The following CSGALNACT1 variants were observed in gnomAD, a reference collection of about 807,000 sequenced individuals.
The protein encoded by CSGALNACT1 is beta4GalNAcT-1.
Under a neutral mutation model 51.0 loss-of-function variants are expected in CSGALNACT1, and 52 were observed. The observed-to-expected ratio is 1.02, with a 90% CI of 0.82 to 1.29. CSGALNACT1 has a LOEUF of 1.29. Among genes scored for constraint, CSGALNACT1 ranks in the 50% most tolerant of loss-of-function variants. CSGALNACT1 has a pLI of 0.00. For synonymous variants in CSGALNACT1, 341 were observed against 254.4 expected (o/e 1.34, Z -3.24); for missense variants, 935 against 679.2 (o/e 1.38, Z -4.19).
chr8:19,681,296 G>T (rs764522817), intron 1 of CSGALNACT1, among the ~76,000 whole-genome samples: 85 of 152,154 alleles, frequency 5.6e-4, no homozygotes, highest in Non-Finnish European at 1.1e-3. Flanking sequence ...GCAGGAATTG[G>T]ATATGTGTAA....
intron 6 of CSGALNACT1, among the ~76,000 whole-genome samples, chr8:19,435,197 A>T (rs188917817): frequency 1.8e-4 from 27 of 152,292 alleles, no homozygotes; most frequent in African/African-American, 5.8e-4. Flanking sequence ...TATCAGTTAC[A>T]TTAAAATAAC....
intron 1 of CSGALNACT1, among the ~76,000 whole-genome samples, chr8:19,694,314 T>C (rs1358701300): frequency 6.6e-6 from 1 of 152,216 alleles, no homozygotes; most frequent in Non-Finnish European, 1.5e-5. Flanking sequence ...AAGTACAGTA[T>C]AATGACAGTC....
rs575321825 is a variant in CSGALNACT1, at chr8:19,668,810, C to T, written c.-544+13663G>A. 1.1e-4 allele frequency among the ~76,000 whole-genome samples: 16 copies of T among 152,284 alleles called. No individual in the cohort carries two copies. The East Asian group carries it at 2.9e-3, about 28-fold the overall frequency. Reference sequence around the variant, plus strand: ...TCAGGTGATCCACCAGACTAGGCCTCACAAAGTGCTGGGATTACAGGAGTG... The same window carrying T: ...TCAGGTGATCCACCAGACTAGGCCTTACAAAGTGCTGGGATTACAGGAGTG... On this transcript the variant is annotated intron_variant, in intron 1 of 9. Transcript: ENST00000332246.
chr8:19,680,168 T>C (rs1004351079), intron 1 of CSGALNACT1, among the ~76,000 whole-genome samples: 6 of 152,286 alleles, frequency 3.9e-5, no homozygotes, highest in Admixed American at 2.0e-4. Flanking sequence ...GTTGGCCCCC[T>C]GCATCCATGG....
At chr8:19,686,786 C>G (rs150932136), upstream of CSGALNACT1, among the ~76,000 whole-genome samples, 3 of 152,300 alleles carry the variant, frequency 2.0e-5, no homozygotes, top group African/African-American at 7.2e-5. Context: ...CCACCCCAGA[C>G]AGGGATACCA....
intron 6 of CSGALNACT1, among the ~76,000 whole-genome samples, chr8:19,434,060 A>G (rs1364199913): frequency 6.6e-6 from 1 of 152,192 alleles, no homozygotes; most frequent in Admixed American, 6.5e-5. Context: ...ACCAAAATTC[A>G]TCCATGTTTC....
At chr8:19,436,313 G>A (rs192360758) in intron 6 of CSGALNACT1, among the ~76,000 whole-genome samples, 5 of 152,110 alleles carry the variant, frequency 3.3e-5, no homozygotes, top group Non-Finnish European at 7.4e-5. Context: ...GAGCATATTA[G>A]AGTGAACAGG....
chr8:19,650,097 G>A (rs943237556), intron 1 of CSGALNACT1, among the ~76,000 whole-genome samples: 3 of 152,090 alleles, frequency 2.0e-5, no homozygotes, highest in Non-Finnish European at 2.9e-5. Flanking sequence ...TTGTTAAAAC[G>A]ATTCAGTTGC....
At chr8:19,517,882 C>G (rs763895728) in intron 3 of CSGALNACT1, among the ~76,000 whole-genome samples, 4 of 152,162 alleles carry the variant, frequency 2.6e-5, no homozygotes, top group Non-Finnish European at 5.9e-5. Context: ...CAAACCATAT[C>G]ACACTCAGTT....
chr8:19,614,755 A>G (rs907853377), intron 1 of CSGALNACT1, among the ~76,000 whole-genome samples: 1 of 152,246 alleles, frequency 6.6e-6, no homozygotes, highest in Non-Finnish European at 1.5e-5. Flanking sequence ...TCTTCAATTT[A>G]CAGATGTGCA....
At chr8:19,650,450 T>C (rs761398303) in intron 1 of CSGALNACT1, among the ~76,000 whole-genome samples, 31 of 152,280 alleles carry the variant, frequency 2.0e-4, no homozygotes, top group Non-Finnish European at 1.8e-4. Context: ...CACCTAGTAA[T>C]TAGTACATTA....
intron 6 of CSGALNACT1, among the ~76,000 whole-genome samples, chr8:19,424,084 T>A (rs190277145): frequency 6.6e-6 from 1 of 152,174 alleles, no homozygotes. Context: ...GAAGGCAACA[T>A]TGCTGGCTTG....
intron 1 of CSGALNACT1, among the ~76,000 whole-genome samples, chr8:19,689,869 T>C (rs1432822266): frequency 1.3e-5 from 2 of 152,220 alleles, no homozygotes; most frequent in Non-Finnish European, 2.9e-5. Context: ...TAACCTGATA[T>C]TAACAATCTG....
intron 1 of CSGALNACT1, among the ~76,000 whole-genome samples, chr8:19,643,026 T>C (rs2056902040): frequency 6.6e-6 from 1 of 152,042 alleles, no homozygotes; most frequent in African/African-American, 2.4e-5. Context: ...GGATGGGAGA[T>C]TTTCTAAAAT....
intron 1 of CSGALNACT1, among the ~76,000 whole-genome samples, chr8:19,700,538 A>T (rs1031911421): frequency 6.6e-6 from 1 of 152,184 alleles, no homozygotes. Context: ...CTTCCTCACC[A>T]TTAATCAGGG....
intron 3 of CSGALNACT1, among the ~76,000 whole-genome samples, chr8:19,583,318 GT>G (rs1406971940): frequency 6.6e-6 from 1 of 152,068 alleles, no homozygotes; most frequent in African/African-American, 2.4e-5. Context: ...ACATCTTTGA[GT>G]TATTCTCTAG....
intron 5 of CSGALNACT1, among the ~76,000 whole-genome samples, chr8:19,445,985 G>T (rs774596397): frequency 9.9e-5 from 15 of 152,096 alleles, no homozygotes; most frequent in Non-Finnish European, 2.2e-4. Flanking sequence ...GACCACCCTG[G>T]CCAACATGGT....
chr8:19,516,198 T>C (rs968304707), intron 3 of CSGALNACT1, among the ~76,000 whole-genome samples: 1 of 152,158 alleles, frequency 6.6e-6, no homozygotes, highest in African/African-American at 2.4e-5. Flanking sequence ...TATTATCTCA[T>C]TTAATCCTCA....
intron 1 of CSGALNACT1, among the ~76,000 whole-genome samples, chr8:19,694,778 C>A (rs892583337): frequency 2.0e-5 from 3 of 152,146 alleles, no homozygotes; most frequent in Non-Finnish European, 1.5e-5. Context: ...CAGGCAGCTA[C>A]CTGAAGGTAA....
Sources: allele counts gnomAD v4.1 joint callset (sites outside exome capture counted in the v4.1 genomes callset), GRCh38; gene constraint gnomAD v4.1.1; transcripts MANE v1.5; gene names NCBI Gene and HGNC (gene_info 2026-07-23, HGNC 2026-07-21).